Variants in TERF1 observed in about 807,000 individuals in gnomAD.
TERF1 encodes telomeric repeat binding factor 1.
Under a neutral mutation model 55.1 loss-of-function variants are expected in TERF1, and 20 were observed. The ratio of observed to expected loss-of-function variants is 0.36; its 90% CI spans 0.26 to 0.53. The LOEUF (loss-of-function observed/expected upper bound fraction) is 0.53. TERF1 is among the 20% of genes least tolerant of loss of function. The probability of loss-of-function intolerance (pLI) is 0.91; values close to 1 mark genes in which losing one functional copy is unlikely to be tolerated. For missense variants in TERF1, 439 were observed against 535.7 expected, an observed-to-expected ratio of 0.82 and a Z score of 1.78; for synonymous variants, 168 against 181.2, an observed-to-expected ratio of 0.93 and a Z score of 0.59.
chr8:73,043,763 G>A (rs1206835151), intron 9 of TERF1, among the ~76,000 whole-genome samples: 4 of 152,124 alleles, frequency 2.6e-5, no homozygotes, highest in East Asian at 1.9e-4. Context: ...TGTATCAAAC[G>A]TCATCTGTGC....
intron 8 of TERF1, among the ~76,000 whole-genome samples, chr8:73,034,594 A>G (rs73307320): frequency 0.016 from 2,383 of 152,294 alleles, 59 homozygotes; most frequent in African/African-American, 0.055. Context: ...TTGTGTTGTA[A>G]AATTGACATA....
chr8:73,037,536 C>A, intron 8 of TERF1, among the ~76,000 whole-genome samples: 2 of 88,124 alleles, frequency 2.3e-5, no homozygotes, highest in African/African-American at 4.3e-5. Context: ...ACCTTGGAAC[C>A]TTGGAATAAA....
intron 9 of TERF1, among the ~76,000 whole-genome samples, chr8:73,044,081 C>T (rs1809938515): frequency 6.6e-6 from 1 of 152,134 alleles, no homozygotes; most frequent in African/African-American, 2.4e-5. Flanking sequence ...AGTCACCCCA[C>T]ACATGAAAAA....
At chr8:73,009,434 C>G (rs1808185103) in intron 1 of TERF1, 1 of 565,154 alleles carries the variant, frequency 1.8e-6, no homozygotes, top group Non-Finnish European at 3.1e-6. Flanking sequence ...AAATAAGACC[C>G]TGTTTAGGTT....
At chr8:73,034,353 A>T (rs1219608706) in intron 8 of TERF1, among the ~76,000 whole-genome samples, 1 of 151,700 alleles carries the variant, frequency 6.6e-6, no homozygotes, top group Non-Finnish European at 1.5e-5. Context: ...GCTGGTCTGG[A>T]ACTCCTAACC....
intron 7 of TERF1, chr8:73,031,835 A>G: frequency 2.6e-6 from 1 of 378,870 alleles, no homozygotes; most frequent in Non-Finnish European, 4.7e-6. Flanking sequence ...TCTGCGGAGT[A>G]GATGAGATGG....
At chr8:73,029,580 C>T (rs536630211) in intron 6 of TERF1, among the ~76,000 whole-genome samples, 36 of 150,624 alleles carry the variant, frequency 2.4e-4, no homozygotes, top group Non-Finnish European at 3.3e-4. Flanking sequence ...CACTGCACTC[C>T]GGTGACCCTC....
In TERF1 at chr8:73,032,280, T is replaced by G. The variant is rs1234998792; in HGVS notation, c.1039+147T>G. The G allele has an allele frequency of 5.1e-6, 3 of 583,620 alleles. No individual in the cohort carries two copies. In the Admixed American group the frequency reaches 1.0e-4, roughly 20 times the overall value. The allele number at this position is 583,620 out of a possible 1,614,324, so 36.2% of individuals were successfully genotyped here. On this transcript the variant is annotated intron_variant, in intron 8 of 9. Transcript: ENST00000276603. Reference sequence around the variant, plus strand: ...GACTTCATAGAGTTAATTGAGATAGTGTTTAATTTAGAAAGTTAGCTATTT... The same window carrying G: ...GACTTCATAGAGTTAATTGAGATAGGGTTTAATTTAGAAAGTTAGCTATTT...
intron 8 of TERF1, among the ~76,000 whole-genome samples, chr8:73,033,600 G>A (rs1327107696): frequency 6.6e-6 from 1 of 152,120 alleles, no homozygotes; most frequent in Non-Finnish European, 1.5e-5. Flanking sequence ...CAGGCATGGT[G>A]GTGCCTGCCT....
intron 1 of TERF1, chr8:73,009,749 A>G (rs1437657103): frequency 6.5e-6 from 1 of 153,260 alleles, no homozygotes; most frequent in Non-Finnish European, 1.5e-5. Context: ...TGAACCCAAG[A>G]GGCAGAGGTT....
intron 9 of TERF1, among the ~76,000 whole-genome samples, chr8:73,039,470 T>C (rs2129903076): frequency 6.6e-6 from 1 of 152,334 alleles, no homozygotes; most frequent in Middle Eastern, 3.4e-3. Context: ...GATACTATCA[T>C]AAAATCTGTT....
intron 1 of TERF1, among the ~76,000 whole-genome samples, chr8:73,013,086 T>A (rs906331564): frequency 6.6e-6 from 1 of 152,222 alleles, no homozygotes; most frequent in African/African-American, 2.4e-5. Context: ...TAAAAATATA[T>A]TCGTCTTATA....
intron 8 of TERF1, 86 bp downstream of exon 8, chr8:73,032,219 A>G: frequency 1.1e-6 from 1 of 885,712 alleles, no homozygotes; most frequent in Non-Finnish European, 1.7e-6. Flanking sequence ...TATAGCAAAA[A>G]AACACACACT....
In TERF1 at chr8:73,026,978, A is replaced by G. The variant is rs1328630260; in HGVS notation, c.813A>G (p.Thr271=). The change falls in exon 6 of 10, where the codon ACA becomes ACG. Residue 271 remains threonine (T), a synonymous_variant. Coordinates refer to ENST00000276603, the MANE Select transcript of TERF1 (RefSeq NM_017489.3). The part of the protein sequence containing the change: ...AKVVESKRTR[T]ITSQDKPSGN... Reference sequence around the variant, plus strand: ...TAGTAGAAAGCAAAAGGACAAGAACAATAACTTCTCAAGATAAACCTAGTG... The same window carrying G: ...TAGTAGAAAGCAAAAGGACAAGAACGATAACTTCTCAAGATAAACCTAGTG... The G allele has an allele frequency of 1.9e-5, 31 of 1,612,228 alleles. No homozygotes were observed. The highest frequency in any genetic ancestry group is 2.6e-5 in the Non-Finnish European group (31 of 1,179,792).
intron 1 of TERF1, 87 bp downstream of exon 1, chr8:73,009,292 C>T (rs973148636): frequency 2.5e-6 from 1 of 392,390 alleles, no homozygotes; most frequent in African/African-American, 6.3e-5. Flanking sequence ...TTCCCTACGT[C>T]GCCGAGGGAG....
intron 6 of TERF1, among the ~76,000 whole-genome samples, chr8:73,029,348 G>A (rs1204495329): frequency 6.6e-6 from 1 of 152,296 alleles, no homozygotes; most frequent in East Asian, 1.9e-4. Context: ...GTAATAGCCA[G>A]GAACAGTGGC....
chr8:73,039,773 GT>G (rs1554557346), intron 9 of TERF1, among the ~76,000 whole-genome samples: 19 of 68,164 alleles, frequency 2.8e-4, no homozygotes, highest in African/African-American at 1.6e-3. Flanking sequence ...TTTTTGTGGT[GT>G]GTGTGTGTGT....
chr8:73,019,857 A>G (rs1478866946), intron 2 of TERF1, among the ~76,000 whole-genome samples: 1 of 152,208 alleles, frequency 6.6e-6, no homozygotes, highest in Non-Finnish European at 1.5e-5. Context: ...ACCTGTCTGA[A>G]AGAGCTTCCC....
intron 1 of TERF1, chr8:73,011,309 A>G (rs887976747): frequency 3.3e-5 from 5 of 152,272 alleles, no homozygotes; most frequent in African/African-American, 1.2e-4. Context: ...GCCCTTTGGA[A>G]GGCCAAGGCA....
Sources: allele counts gnomAD v4.1 joint callset (sites outside exome capture counted in the v4.1 genomes callset), GRCh38; gene constraint gnomAD v4.1.1; transcripts MANE v1.5; gene names NCBI Gene and HGNC (gene_info 2026-07-23, HGNC 2026-07-21).